OGN: variants seen among roughly 807,000 people sequenced by gnomAD.
The protein encoded by OGN is mimecan.
In OGN, 19 loss-of-function variants were observed where a neutral mutation model predicts 30.8. The ratio of observed to expected loss-of-function variants is 0.62; its 90% CI spans 0.43 to 0.90. OGN has a LOEUF of 0.90. OGN is among the 40% of genes least tolerant of loss of function. OGN has a pLI of 0.00. For missense variants in OGN, 283 were observed against 349.7 expected (o/e 0.81, Z 1.52); for synonymous variants, 126 against 128.3 (o/e 0.98, Z 0.12).
chr9:92,396,653 C>T (rs1842905189), intron 3 of OGN, among the ~76,000 whole-genome samples: 1 of 151,390 alleles, frequency 6.6e-6, no homozygotes, highest in South Asian at 2.1e-4. Context: ...AAACCTCGAC[C>T]TCCTGGGCTC....
At chr9:92,399,423 G>C (rs1467289132) in intron 3 of OGN, among the ~76,000 whole-genome samples, 1 of 151,782 alleles carries the variant, frequency 6.6e-6, no homozygotes, top group African/African-American at 2.4e-5. Flanking sequence ...ATAAATTAGA[G>C]TTACTAGATC....
intron 3 of OGN, among the ~76,000 whole-genome samples, chr9:92,394,107 C>A (rs73520510): frequency 0.018 from 2,754 of 152,250 alleles, 95 homozygotes; most frequent in African/African-American, 0.062. Context: ...ATGATTCTTA[C>A]CCGAATCATT....
At chr9:92,391,299 C>T (rs906592846) in intron 4 of OGN, among the ~76,000 whole-genome samples, 2 of 151,422 alleles carry the variant, frequency 1.3e-5, no homozygotes, top group African/African-American at 2.4e-5. Context: ...CCCAGCTACT[C>T]GGGAAGCTGA....
At chr9:92,404,390 C>T (rs1417719194) in intron 1 of OGN, 106 bp downstream of exon 1, 1 of 673,024 alleles carries the variant, frequency 1.5e-6, no homozygotes, top group East Asian at 9.9e-5. Flanking sequence ...ATTGAGGTAA[C>T]TGAAACTTAA....
intron 3 of OGN, among the ~76,000 whole-genome samples, chr9:92,397,257 C>A (rs1265374864): frequency 1.3e-5 from 2 of 152,144 alleles, no homozygotes; most frequent in Non-Finnish European, 2.9e-5. Flanking sequence ...ATGTCCCAAA[C>A]TAACCTTGCA....
At chr9:92,390,101 T>C in intron 4 of OGN, 45 bp from the exon 5 acceptor site, 1 of 1,127,466 alleles carries the variant, frequency 8.9e-7, no homozygotes, top group Non-Finnish European at 1.3e-6. Flanking sequence ...AGTAAAATTC[T>C]TATTGTATGG....
chr9:92,389,214 G>C (rs1842566811), intron 5 of OGN, among the ~76,000 whole-genome samples: 1 of 152,094 alleles, frequency 6.6e-6, no homozygotes, highest in Non-Finnish European at 1.5e-5. Flanking sequence ...GGAAATCCTG[G>C]ACTAAAGTGA....
At chr9:92,398,910 A>G (rs1168327603) in intron 3 of OGN, among the ~76,000 whole-genome samples, 1 of 152,142 alleles carries the variant, frequency 6.6e-6, no homozygotes, top group Non-Finnish European at 1.5e-5. Context: ...AAAATACAAT[A>G]AATTAGCCTG....
At chr9:92,398,058 C>T (rs558487332) in intron 3 of OGN, among the ~76,000 whole-genome samples, 4 of 152,164 alleles carry the variant, frequency 2.6e-5, no homozygotes, top group Non-Finnish European at 5.9e-5. Context: ...CGTATATTTA[C>T]TTAGTTCTGG....
intron 2 of OGN, among the ~76,000 whole-genome samples, chr9:92,402,738 T>C (rs1001985068): frequency 1.3e-5 from 2 of 152,232 alleles, no homozygotes; most frequent in African/African-American, 4.8e-5. Context: ...TTTTTGGTAC[T>C]GTATGTAGAT....
intron 5 of OGN, among the ~76,000 whole-genome samples, chr9:92,387,480 T>C (rs938966090): frequency 7.9e-5 from 12 of 152,208 alleles, no homozygotes; most frequent in African/African-American, 2.9e-4. Flanking sequence ...AATGTTGGAT[T>C]ATTCTTCATG....
intron 4 of OGN, among the ~76,000 whole-genome samples, chr9:92,390,587 T>TGCGC (rs1554756507): frequency 0.034 from 4,856 of 141,876 alleles, 99 homozygotes; most frequent in Non-Finnish European, 0.047. Context: ...TGTGTGTGTG[T>TGCGC]GCGCGCGCGC....
intron 5 of OGN, among the ~76,000 whole-genome samples, chr9:92,388,381 T>C (rs907936524): frequency 6.6e-6 from 1 of 151,772 alleles, no homozygotes. Flanking sequence ...AGGCTGGTCC[T>C]GACCTCCTGA....
intron 4 of OGN, 53 bp downstream of exon 4, chr9:92,393,033 G>A (rs1842751401): frequency 1.4e-6 from 2 of 1,443,674 alleles, no homozygotes; most frequent in Non-Finnish European, 1.9e-6. Context: ...GTGTTTATAT[G>A]AGTTAAATAC....
At chr9:92,402,083 A>G (rs953423337) in intron 2 of OGN, among the ~76,000 whole-genome samples, 1 of 152,194 alleles carries the variant, frequency 6.6e-6, no homozygotes, top group African/African-American at 2.4e-5. Flanking sequence ...CCCTGTAAAG[A>G]GAAGAAGCAG....
chr9:92,387,911 C>T (rs1842500940), intron 5 of OGN, among the ~76,000 whole-genome samples: 1 of 151,640 alleles, frequency 6.6e-6, no homozygotes, highest in Non-Finnish European at 1.5e-5. Context: ...CGACAGGTGC[C>T]CACCACCACG....
chr9:92,398,339 T>C (rs1842976356), intron 3 of OGN, among the ~76,000 whole-genome samples: 1 of 152,174 alleles, frequency 6.6e-6, no homozygotes, highest in Admixed American at 6.5e-5. Flanking sequence ...ACGTATTTGG[T>C]TTTTTGACTA....
rs767502674 is a variant in OGN at position 92,393,161 on chromosome 9, G to C, written c.352C>G (p.Pro118Ala). Residue 118 changes from proline to alanine, a missense_variant, in exon 4 of 7, where the codon CCA (proline) becomes GCA (alanine). Pro to Ala is a conservative substitution (Grantham distance 27). Coordinates refer to ENST00000375561, the MANE Select transcript of OGN (RefSeq NM_014057.5). ...EVDIDAVPPL[P>A]KESAYLYARF... Reference sequence around the variant, plus strand: ...GCGTAAAGATAGGCTGATTCCTTTGGTAAGGGTGGTACAGCATCAATGTCA... The same window carrying C: ...GCGTAAAGATAGGCTGATTCCTTTGCTAAGGGTGGTACAGCATCAATGTCA... 53 of 1,613,616 alleles carry C rather than the reference G, an allele frequency of 3.3e-5. No individual in the cohort carries two copies. The highest frequency in any genetic ancestry group is 4.2e-5 in the Non-Finnish European group (50 of 1,179,836).
chr9:92,386,163 G>C, intron 6 of OGN, 38 bp downstream of exon 6: 1 of 1,426,274 alleles, frequency 7.0e-7, no homozygotes, highest in Non-Finnish European at 9.9e-7. Flanking sequence ...TGACTCATAG[G>C]TAATTAGAGT....
Sources: allele counts gnomAD v4.1 joint callset (sites outside exome capture counted in the v4.1 genomes callset), GRCh38; gene constraint gnomAD v4.1.1; transcripts MANE v1.5; gene names NCBI Gene and HGNC (gene_info 2026-07-23, HGNC 2026-07-21).